The following TOM1L1 variants were observed in gnomAD, a reference collection of about 807,000 sequenced individuals.
TOM1L1 encodes target of myb1 like 1 membrane trafficking protein.
In TOM1L1, 64 loss-of-function variants were observed where a neutral mutation model predicts 63.4. That is an observed-to-expected ratio of 1.01 (90% CI 0.83 to 1.24). The LOEUF (loss-of-function observed/expected upper bound fraction) is 1.24, where lower values mean the gene tolerates loss of function less well. Ranked by LOEUF, TOM1L1 falls within the 50% of genes most tolerant of loss-of-function variation. The pLI is 0.00. For missense variants in TOM1L1, 536 were observed against 567.0 expected (o/e 0.95, Z 0.55); for synonymous variants, 166 against 194.4 (o/e 0.85, Z 1.22).
intron 7 of TOM1L1, among the ~76,000 whole-genome samples, chr17:54,924,276 CTTTTTTCTTTTT>C (rs1191465731): frequency 7.8e-6 from 1 of 128,700 alleles, no homozygotes; most frequent in African/African-American, 3.6e-5. Flanking sequence ...CTTTTCTTTT[CTTTTTTCTTTTT>C]TTTTTTTTTG....
chr17:54,949,843 T>C (rs2049183432), intron 13 of TOM1L1, among the ~76,000 whole-genome samples: 2 of 152,226 alleles, frequency 1.3e-5, no homozygotes, highest in South Asian at 4.1e-4. Context: ...AATGCTAAGG[T>C]AAATGAATCT....
intron 1 of TOM1L1, 24 bp downstream of exon 1, chr17:54,900,947 C>A (rs1302509053): frequency 1.9e-6 from 3 of 1,613,604 alleles, no homozygotes; most frequent in Non-Finnish European, 2.5e-6. Flanking sequence ...GGGAGAGACG[C>A]CCAGGCAGGC....
intron 1 of TOM1L1, among the ~76,000 whole-genome samples, chr17:54,903,370 T>C (rs776399702): frequency 1.2e-4 from 18 of 152,276 alleles, no homozygotes; most frequent in Non-Finnish European, 2.6e-4. Context: ...CTTAGCACTA[T>C]GCAGTTCACC....
At position 54,912,787 on chromosome 17, in the gene TOM1L1, T is replaced by C; in HGVS notation, c.344T>C (p.Ile115Thr). 1 of 1,608,992 alleles carries C rather than the reference T, an allele frequency of 6.2e-7. No individual in the cohort carries two copies. Among genetic ancestry groups the C allele is most frequent in the Non-Finnish European group, 8.5e-7 (1 of 1,178,684 alleles). ...CCCAGATACAACTTGCCATTAGACA[T>C]TCAGAATAGAATCTTGAATTTCATT... ...LNPRYNLPLD[I>T]QNRILNFIKT... The change falls in exon 4 of 16, where the codon ATT (isoleucine) becomes ACT (threonine). Residue 115 changes from isoleucine to threonine, a missense_variant. Transcript: ENST00000575882.
At chr17:54,930,593 C>T (rs1049988768) in intron 8 of TOM1L1, among the ~76,000 whole-genome samples, 1 of 151,982 alleles carries the variant, frequency 6.6e-6, no homozygotes, top group Non-Finnish European at 1.5e-5. Flanking sequence ...TATCCCCAGC[C>T]CTTTGGGAGG....
At chr17:54,931,949 G>T (rs1321832620) in intron 8 of TOM1L1, among the ~76,000 whole-genome samples, 11 of 121,478 alleles carry the variant, frequency 9.1e-5, no homozygotes, top group Admixed American at 3.9e-4. Context: ...TTTTTTCTTC[G>T]TTTTTTTTTT....
chr17:54,959,787 T>C lies in TOM1L1; in HGVS notation c.1371-779T>C, dbSNP rs73321544. 4.3e-3 allele frequency among the ~76,000 whole-genome samples: 656 copies of C among 152,150 alleles called. 3 individuals are homozygous for C. Among genetic ancestry groups the C allele is most frequent in the African/African-American group, 0.015 (635 of 41,510 alleles). On this transcript the variant is annotated intron_variant, in intron 14 of 15. Transcript: ENST00000575882. ...TGTGTACCACCACACATGATAATTTTTATGTTTTTTGTAGAGATGGTATTT... is the reference window on the plus strand; with the variant it reads ...TGTGTACCACCACACATGATAATTTCTATGTTTTTTGTAGAGATGGTATTT...
In TOM1L1 at chr17:54,903,733, G is replaced by T. The variant is rs552433032; in HGVS notation, c.84G>T (p.Gln28His). ...LIEKATFAGV[Q>H]TEDWGQFMHI... ...AAAAGGCTACATTTGCTGGAGTTCA[G>T]ACTGAAGATTGGGGCCAGTTCATGC... is the stretch of plus-strand genomic sequence containing the variant. The change falls in exon 2 of 16, where the codon CAG (glutamine) becomes CAT (histidine). Residue 28 changes from glutamine (Q) to histidine (H), a missense_variant. Transcript: ENST00000575882. 3.1e-6 allele frequency: 5 copies of T among 1,614,194 alleles called. No individual in the cohort carries two copies. The East Asian group carries it at 8.9e-5, about 29-fold the overall frequency.
intron 7 of TOM1L1, among the ~76,000 whole-genome samples, chr17:54,927,541 G>A: frequency 6.6e-6 from 1 of 152,228 alleles, no homozygotes; most frequent in South Asian, 2.1e-4. Flanking sequence ...CTTTTGAATT[G>A]ATTGTTAAAT....
intron 11 of TOM1L1, among the ~76,000 whole-genome samples, chr17:54,945,646 A>G (rs1380444224): frequency 1.4e-5 from 2 of 139,936 alleles, no homozygotes; most frequent in Non-Finnish European, 3.1e-5. Flanking sequence ...TGTCATTTCC[A>G]TTTTGCTATT....
chr17:54,906,718 G>A (rs1056169964), intron 3 of TOM1L1: 4 of 971,458 alleles, frequency 4.1e-6, no homozygotes, highest in Admixed American at 6.2e-5. Context: ...TGATTTAAGT[G>A]TGGACTCTTA....
chr17:54,936,335 T>C lies in TOM1L1; in HGVS notation c.855-314T>C, dbSNP rs540670780. ...ATACTCAAATTAGGATACAGAATTA[T>C]GTAAAGTATCCTTTCAACTAAGCTT... is the stretch of plus-strand genomic sequence containing the variant. On this transcript the variant is annotated intron_variant, in intron 8 of 15. Coordinates refer to ENST00000575882, the MANE Select transcript of TOM1L1 (RefSeq NM_005486.3). The C allele has an allele frequency of 1.1e-4, 25 of 218,652 alleles. No individual in the cohort carries two copies. In the East Asian group the frequency reaches 2.7e-3, roughly 24 times the overall value. The allele number at this position is 218,652 out of a possible 1,614,324, so 13.5% of individuals were successfully genotyped here.
intron 14 of TOM1L1, chr17:54,959,152 C>T (rs1278305641): frequency 6.6e-6 from 1 of 152,124 alleles, no homozygotes; most frequent in Non-Finnish European, 1.5e-5. Flanking sequence ...TTTAGGGAAA[C>T]ATTAAAATTG....
chr17:54,960,955 G>A (rs1043116026), intron 15 of TOM1L1, among the ~76,000 whole-genome samples: 8 of 152,122 alleles, frequency 5.3e-5, no homozygotes, highest in African/African-American at 9.7e-5. Flanking sequence ...CTTGTTAACC[G>A]GTACCAGTAG....
rs746779593 is a variant in TOM1L1, at chr17:54,947,288, C to T, written c.1158C>T (p.Leu386=). ...PPFAQRTSQN[L]TSSHAYDNFL... ...TTGCCCAAAGGACCAGCCAAAACCT[C>T]ACCTCAAGCCACGCATATGATAATG... The change falls in exon 12 of 16, where the codon CTC becomes CTT. Residue 386 remains leucine (L), a synonymous_variant. Coordinates refer to ENST00000575882, the MANE Select transcript of TOM1L1 (RefSeq NM_005486.3). The T allele has an allele frequency of 1.1e-5, 17 of 1,614,050 alleles. No homozygotes were observed. Among genetic ancestry groups the T allele is most frequent in the Non-Finnish European group, 1.4e-5 (17 of 1,180,028 alleles).
intron 8 of TOM1L1, among the ~76,000 whole-genome samples, chr17:54,933,861 CATCA>C: frequency 6.6e-6 from 1 of 152,134 alleles, no homozygotes; most frequent in South Asian, 2.1e-4. Flanking sequence ...AGATATGAGA[CATCA>C]ATCAATATGT....
intron 8 of TOM1L1, among the ~76,000 whole-genome samples, chr17:54,932,105 C>T (rs1021292425): frequency 7.2e-5 from 11 of 152,148 alleles, no homozygotes; most frequent in African/African-American, 2.4e-4. Flanking sequence ...GACAAAACTC[C>T]TCAGACACTG....
In TOM1L1 at chr17:54,934,438, G is replaced by T. The variant is rs138485668; in HGVS notation, c.855-2211G>T. On this transcript the variant is annotated intron_variant, in intron 8 of 15. Coordinates refer to ENST00000575882, the MANE Select transcript of TOM1L1 (RefSeq NM_005486.3). ...GCCATGTAACCTAACATATTCACTGGTTGTGTTTACTAGGATGTGGGTACC... is the reference window on the plus strand; with the variant it reads ...GCCATGTAACCTAACATATTCACTGTTTGTGTTTACTAGGATGTGGGTACC... Among the ~76,000 whole-genome samples, 7 of 152,084 alleles carry T rather than the reference G, an allele frequency of 4.6e-5. No homozygotes were observed. The East Asian group carries it at 1.4e-3, about 29-fold the overall frequency.
At chr17:54,912,363 A>G (rs184298566) in intron 3 of TOM1L1, among the ~76,000 whole-genome samples, 8 of 152,302 alleles carry the variant, frequency 5.3e-5, no homozygotes, top group African/African-American at 1.7e-4. Flanking sequence ...TATTCCATCC[A>G]TAGCTCATAT....
Sources: gnomAD v4.1 joint callset for allele counts (sites outside exome capture counted in the v4.1 genomes callset) on GRCh38, gnomAD v4.1.1 for gene constraint, MANE v1.5 for transcripts, NCBI Gene and HGNC (gene_info 2026-07-23, HGNC 2026-07-21) for gene names.